Variants in GPAM observed in about 807,000 individuals in gnomAD.
GPAM encodes the protein glycerol-3-phosphate acyltransferase 1, mitochondrial.
In GPAM, 56 loss-of-function variants were observed where a neutral mutation model predicts 105.0. That is an observed-to-expected ratio of 0.53 (90% CI 0.43 to 0.67). GPAM has a LOEUF of 0.67. GPAM is among the 30% of genes least tolerant of loss of function. The pLI, the probability that GPAM is intolerant of heterozygous loss-of-function variation, is 0.00. For missense variants in GPAM, 855 were observed against 989.8 expected, an observed-to-expected ratio of 0.86 and a Z score of 1.83; for synonymous variants, 368 against 354.4, an observed-to-expected ratio of 1.04 and a Z score of -0.43.
chr10:112,164,752 T>C (rs1847183877), intron 12 of GPAM, 142 bp from the exon 13 acceptor site: 1 of 658,170 alleles, frequency 1.5e-6, no homozygotes, highest in Non-Finnish European at 2.7e-6. Flanking sequence ...TTCTATATCC[T>C]AAACTGTCTT....
intron 1 of GPAM, among the ~76,000 whole-genome samples, chr10:112,214,936 T>C (rs1429929584): frequency 6.6e-6 from 1 of 152,186 alleles, no homozygotes; most frequent in Non-Finnish European, 1.5e-5. Flanking sequence ...GAATGTTACA[T>C]CACAAACGTG....
chr10:112,185,248 T>C (rs189840060), upstream of GPAM, among the ~76,000 whole-genome samples: 30 of 151,574 alleles, frequency 2.0e-4, no homozygotes, highest in African/African-American at 7.0e-4. Context: ...AAATTAAAAA[T>C]AACCAACACC....
In GPAM at chr10:112,181,713, A is replaced by G. The variant is rs759658812; in HGVS notation, c.72T>C (p.Val24=). 6.2e-7 allele frequency: 1 copy of G among 1,607,666 alleles called. No homozygotes were observed. The highest frequency in any genetic ancestry group is 1.1e-5 in the South Asian group (1 of 90,970). The change falls in exon 3 of 22, where the codon GTT becomes GTC. Residue 24 remains valine, a synonymous_variant. Transcript: ENST00000348367. ...CCTCACTTGTGTGCTTACATCGACC[A>G]ACACTGTATTCTGATGAATGTGGCA... ...SYLPHSSEYS[V]GRCKHTSEEW...
rs570123432 is a variant in GPAM at position 112,203,746 on chromosome 10, C to T, written n.210+11422G>A. Among the ~76,000 whole-genome samples the T allele has an allele frequency of 4.2e-4, 64 of 152,306 alleles. 1 individual carries two copies. Among genetic ancestry groups the T allele is most frequent in the Non-Finnish European group, 1.5e-4 (10 of 68,034 alleles). On this transcript the variant is annotated intron_variant and non_coding_transcript_variant, in intron 1 of 3. Transcript: ENST00000480130. The stretch of plus-strand genomic sequence containing the variant: ...TCTGTTATTTAATTCTCATAACTGT[C>T]CAACTCGAGAAAGACCCTTATGATT...
the GPAM span, among the ~76,000 whole-genome samples, chr10:112,222,407 C>T: frequency 1.3e-3 from 199 of 152,252 alleles, 1 homozygote; most frequent in African/African-American, 4.5e-3. Flanking sequence ...CTCATCAATG[C>T]CTATAACACC....
intron 1 of GPAM, among the ~76,000 whole-genome samples, chr10:112,198,216 G>A (rs1847748518): frequency 6.6e-6 from 1 of 152,146 alleles, no homozygotes; most frequent in African/African-American, 2.4e-5. Flanking sequence ...AAAATGTCCA[G>A]TCCCCTCAAA....
intron 4 of GPAM, 145 bp downstream of exon 4, chr10:112,180,328 G>C (rs2133266375): frequency 1.3e-6 from 1 of 744,782 alleles, no homozygotes; most frequent in East Asian, 2.7e-5. Context: ...GAAAAAGTGT[G>C]TCAACATCTT....
chr10:112,221,368 T>C, the GPAM span, among the ~76,000 whole-genome samples: 1 of 152,294 alleles, frequency 6.6e-6, no homozygotes, highest in South Asian at 2.1e-4. Flanking sequence ...TCTCTCTTAC[T>C]TCTGTAATCT....
intron 12 of GPAM, among the ~76,000 whole-genome samples, chr10:112,164,869 G>T (rs1162710655): frequency 6.6e-6 from 1 of 152,090 alleles, no homozygotes; most frequent in Non-Finnish European, 1.5e-5. Context: ...AAAATTAAAA[G>T]AAATTTTTAA....
chr10:112,150,264 T>C lies in GPAM; in HGVS notation c.*3286A>G. On this transcript the variant is annotated 3_prime_UTR_variant, in exon 22 of 22. Coordinates refer to ENST00000348367, the MANE Select transcript of GPAM (RefSeq NM_001244949.2). ...CTGTCATGTCTAAACACTACAACTA[T>C]CTGTGGATAAAAATCTGCATTCAAA... The C allele has an allele frequency of 1.0e-6, 1 of 984,792 alleles. No individual in the cohort carries two copies. Among genetic ancestry groups the C allele is most frequent in the Non-Finnish European group, 1.2e-6 (1 of 829,146 alleles). The allele number at this position is 984,792 out of a possible 1,614,324, so 61.0% of individuals were successfully genotyped here. A position where few individuals can be genotyped will look rare whatever the true frequency, so the allele number is the denominator to read the frequency against.
chr10:112,175,775 T>C, intron 5 of GPAM, 62 bp from the exon 6 acceptor site: 3 of 1,023,676 alleles, frequency 2.9e-6, no homozygotes, highest in South Asian at 2.5e-5. Context: ...GCTTAAATCA[T>C]AAACTAATTT....
upstream of GPAM, among the ~76,000 whole-genome samples, chr10:112,217,197 A>C (rs1213655588): frequency 2.6e-5 from 4 of 152,180 alleles, no homozygotes; most frequent in African/African-American, 7.2e-5. Context: ...GCAACTACTG[A>C]TCTACTGTAT....
At chr10:112,225,141 T>C in the GPAM span, among the ~76,000 whole-genome samples, 2 of 152,158 alleles carry the variant, frequency 1.3e-5, no homozygotes, top group African/African-American at 4.8e-5. Context: ...CACCCCAACC[T>C]GGATTTCAGC....
Position 112,157,394 on chromosome 10 carries a change from G to C in GPAM, c.1981-5C>G, listed in dbSNP as rs1433092498. ...GATATCTTCCTGGTCATCGTGCTAG[G>C]CCAAGGAGATGATGGATAGTAAATA... On this transcript the variant is annotated splice_polypyrimidine_tract_variant and splice_region_variant and intron_variant, in intron 18 of 21. Coordinates refer to ENST00000348367, the MANE Select transcript of GPAM (RefSeq NM_001244949.2). The C allele has an allele frequency of 6.2e-7, 1 of 1,613,414 alleles. No individual in the cohort carries two copies. Among genetic ancestry groups the C allele is most frequent in the East Asian group, 2.2e-5 (1 of 44,864 alleles).
Position 112,160,786 on chromosome 10 carries a change from G to T in GPAM, c.1577C>A (p.Ser526Ter). ...CATTACTACATCTTCTGAATTTCCT[G>T]AGAACCCCAGGTCAAAATCACGAGC... ...VLARDFDLGFSGNSEDVVMHA... is the reference protein window; with the variant it reads ...VLARDFDLGF The change falls in exon 16 of 22, where the codon TCA becomes TAA. Residue 526 changes from serine to a stop codon, truncating the protein, a stop_gained. Coordinates refer to ENST00000348367, the MANE Select transcript of GPAM (RefSeq NM_001244949.2). LOFTEE classifies it high-confidence loss of function. 6.2e-7 allele frequency: 1 copy of T among 1,613,966 alleles called. No homozygotes were observed. The highest frequency in any genetic ancestry group is 8.5e-7 in the Non-Finnish European group (1 of 1,179,878).
intron 5 of GPAM, among the ~76,000 whole-genome samples, chr10:112,177,739 G>A (rs1008798877): frequency 6.6e-6 from 1 of 151,278 alleles, no homozygotes; most frequent in East Asian, 1.9e-4. Flanking sequence ...ATCAATATAA[G>A]TCAAAGAACA....
intron 1 of GPAM, among the ~76,000 whole-genome samples, chr10:112,204,414 G>A (rs1363594221): frequency 6.6e-6 from 1 of 151,898 alleles, no homozygotes; most frequent in Admixed American, 6.6e-5. Flanking sequence ...AGAGGGTTGG[G>A]AGTGGGTAGG....
intron 1 of GPAM, among the ~76,000 whole-genome samples, chr10:112,213,497 T>C (rs1847935445): frequency 6.6e-6 from 1 of 152,014 alleles, no homozygotes; most frequent in South Asian, 2.1e-4. Context: ...GGCTCTGGGG[T>C]CCTGGCTGAG....
intron 9 of GPAM, among the ~76,000 whole-genome samples, chr10:112,171,950 G>C (rs1350380476): frequency 6.6e-6 from 1 of 151,934 alleles, no homozygotes; most frequent in Non-Finnish European, 1.5e-5. Flanking sequence ...ATAAAGTTTA[G>C]GTAGTCACAG....
Sources: gnomAD v4.1 joint callset for allele counts (sites outside exome capture counted in the v4.1 genomes callset) on GRCh38, gnomAD v4.1.1 for gene constraint, MANE v1.5 for transcripts, NCBI Gene and HGNC (gene_info 2026-07-23, HGNC 2026-07-21) for gene names.